MAST2: variants seen among roughly 807,000 people sequenced by gnomAD.
The protein encoded by MAST2 is microtubule-associated serine/threonine-protein kinase 2.
Under a neutral mutation model 147.4 loss-of-function variants are expected in MAST2, and 70 were observed. The observed-to-expected ratio is 0.47, with a 90% confidence interval of 0.39 to 0.58. MAST2 has a LOEUF of 0.58. Among genes scored for constraint, MAST2 ranks in the 20% least tolerant of loss-of-function variants. The pLI is 0.00. For synonymous variants in MAST2, 869 were observed against 896.8 expected, an observed-to-expected ratio of 0.97 and a Z score of 0.55; for missense variants, 2,080 against 2,302.3, an observed-to-expected ratio of 0.90 and a Z score of 1.98.
chr1:45,962,588 C>G (rs1660586745), intron 5 of MAST2, among the ~76,000 whole-genome samples: 1 of 152,176 alleles, frequency 6.6e-6, no homozygotes, highest in Non-Finnish European at 1.5e-5. Flanking sequence ...AGTGTCTGTT[C>G]ATATCCTTCG....
chr1:45,903,270 C>T (rs1570635920), intron 4 of MAST2, among the ~76,000 whole-genome samples: 2 of 151,374 alleles, frequency 1.3e-5, no homozygotes, highest in Middle Eastern at 3.2e-3. Flanking sequence ...GCTGGGATTA[C>T]AGACACTTAC....
intron 4 of MAST2, among the ~76,000 whole-genome samples, chr1:45,922,138 C>T (rs1478749098): frequency 6.6e-6 from 1 of 152,192 alleles, no homozygotes; most frequent in East Asian, 1.9e-4. Context: ...CTCCTCTCCC[C>T]AAGCCTGGCT....
chr1:45,933,346 T>C (rs1281831596), intron 4 of MAST2, among the ~76,000 whole-genome samples: 1 of 152,126 alleles, frequency 6.6e-6, no homozygotes, highest in African/African-American at 2.4e-5. Flanking sequence ...TATTTCTTAA[T>C]TTCTGTTATT....
chr1:45,958,233 C>G (rs1659921850), intron 4 of MAST2, among the ~76,000 whole-genome samples: 1 of 152,024 alleles, frequency 6.6e-6, no homozygotes, highest in African/African-American at 2.4e-5. Context: ...TCCATCAGCC[C>G]TACAGAGTCT....
intron 4 of MAST2, among the ~76,000 whole-genome samples, chr1:45,898,658 T>C (rs1310691048): frequency 6.6e-6 from 1 of 152,186 alleles, no homozygotes; most frequent in African/African-American, 2.4e-5. Context: ...TTGCCAGCCA[T>C]GTTCAGGGCC....
intron 5 of MAST2, among the ~76,000 whole-genome samples, chr1:45,979,285 G>A (rs1051148571): frequency 1.3e-4 from 20 of 152,266 alleles, no homozygotes; most frequent in South Asian, 8.3e-4. Context: ...AAGGTCAACT[G>A]ACTGCTCCCA....
At chr1:45,970,667 C>CAAAAAAAAA (rs754544108) in intron 5 of MAST2, among the ~76,000 whole-genome samples, 56 of 72,364 alleles carry the variant, frequency 7.7e-4, no homozygotes, top group East Asian at 1.5e-3. Context: ...GACTCTGTCT[C>CAAAAAAAAA]AAAAAAAAAA....
chr1:45,995,030 C>G (rs529839068), intron 5 of MAST2, among the ~76,000 whole-genome samples: 19 of 152,028 alleles, frequency 1.2e-4, no homozygotes, highest in African/African-American at 4.6e-4. Context: ...TTAGTAGAGA[C>G]AGGGTTTCAT....
intron 3 of MAST2, among the ~76,000 whole-genome samples, chr1:45,831,738 C>A (rs1644962452): frequency 1.3e-5 from 2 of 151,826 alleles, no homozygotes. Context: ...GGATACTCTC[C>A]TAAATAACTA....
chr1:45,966,538 C>T (rs913568771), intron 5 of MAST2, among the ~76,000 whole-genome samples: 3 of 152,154 alleles, frequency 2.0e-5, no homozygotes, highest in South Asian at 2.1e-4. Context: ...CAAGACAAGC[C>T]GGGCCAACAT....
intron 4 of MAST2, among the ~76,000 whole-genome samples, chr1:45,957,901 G>T (rs1216825133): frequency 6.6e-6 from 1 of 152,172 alleles, no homozygotes. Flanking sequence ...GTTGTAAAGG[G>T]TTGGGATTTC....
Position 45,829,473 on chromosome 1 carries a change from T to C in MAST2, c.360T>C (p.His120=), listed in dbSNP as rs750228090. ...TGCTCCCTTTGTCCAGCAGTGTACA[T>C]AGCAGTGTGGGACAGGTGACTTGGC... is the stretch of plus-strand genomic sequence containing the variant. ...KQLLPLSSSV[H]SSVGQVTWQS... The change falls in exon 3 of 29, where the codon CAT becomes CAC. Residue 120 remains histidine (H), a synonymous_variant. Transcript: ENST00000361297. The C allele has an allele frequency of 1.1e-4, 176 of 1,614,068 alleles. No individual in the cohort carries two copies. The highest frequency in any genetic ancestry group is 2.3e-4 in the Admixed American group (14 of 59,990).
intron 5 of MAST2, among the ~76,000 whole-genome samples, chr1:45,995,611 G>T (rs1435213196): frequency 3.9e-5 from 6 of 152,142 alleles, no homozygotes; most frequent in Non-Finnish European, 8.8e-5. Flanking sequence ...TAGACATGGG[G>T]TGTTTTGCCA....
intron 3 of MAST2, among the ~76,000 whole-genome samples, chr1:45,876,776 A>G (rs182973293): frequency 3.3e-5 from 5 of 152,182 alleles, no homozygotes; most frequent in African/African-American, 1.2e-4. Context: ...CATCAAATGC[A>G]GGCTTTTGTA....
Position 46,023,199 on chromosome 1 carries a change from A to G in MAST2, c.1486-34A>G. On this transcript the variant is annotated intron_variant, in intron 13 of 28. Coordinates refer to ENST00000361297, the MANE Select transcript of MAST2 (RefSeq NM_015112.3). The surrounding 1 kb of genome is among the most constrained non-coding windows in gnomAD (Gnocchi z 4.9). ...TGCAAGGATATGGGCTCTGAGAAGC[A>G]TGCCTGTCTCCTGCCTTTTCCCTTG... 1 of 1,579,442 alleles carries G rather than the reference A, an allele frequency of 6.3e-7. No homozygotes were observed. The highest frequency in any genetic ancestry group is 8.7e-7 in the Non-Finnish European group (1 of 1,148,372).
At chr1:45,997,822 C>T in intron 6 of MAST2, 23 bp downstream of exon 6, 1 of 1,597,102 alleles carries the variant, frequency 6.3e-7, no homozygotes, top group Non-Finnish European at 8.6e-7. Flanking sequence ...GAAACCTCCT[C>T]TGGGACCAGC....
chr1:46,017,465 A>G (rs934059590), intron 10 of MAST2, among the ~76,000 whole-genome samples: 2 of 152,014 alleles, frequency 1.3e-5, no homozygotes, highest in African/African-American at 4.8e-5. Flanking sequence ...CAATGAACTC[A>G]AATTTACAAG....
intron 3 of MAST2, among the ~76,000 whole-genome samples, chr1:45,880,594 A>T (rs1369256960): frequency 4.6e-5 from 7 of 152,250 alleles, no homozygotes; most frequent in African/African-American, 1.7e-4. Flanking sequence ...AGAAAAACAC[A>T]CAAAAGAATT....
chr1:45,836,860 G>A (rs1467212010), intron 3 of MAST2, among the ~76,000 whole-genome samples: 1 of 152,140 alleles, frequency 6.6e-6, no homozygotes, highest in African/African-American at 2.4e-5. Context: ...CACCAGGGAC[G>A]GGTTTCATGG....
Sources: gnomAD v4.1 joint callset for allele counts (sites outside exome capture counted in the v4.1 genomes callset) on GRCh38, gnomAD v4.1.1 for gene constraint, Gnocchi (gnomAD v3.1) non-coding constraint, MANE v1.5 for transcripts, NCBI Gene and HGNC (gene_info 2026-07-23, HGNC 2026-07-21) for gene names.